Variants in ZNF91 observed in about 807,000 individuals in gnomAD.
ZNF91 encodes the protein zinc finger protein 91 (HPF7, HTF10).
ZNF91 carries 7 observed loss-of-function variants against 12.6 expected under a neutral mutation model. The ratio of observed to expected loss-of-function variants is 0.55; its 90% CI spans 0.31 to 1.04. The LOEUF is 1.04. Among genes scored for constraint, ZNF91 ranks in the 50% least tolerant of loss-of-function variants. ZNF91 has a pLI of 0.05. For synonymous variants in ZNF91, 453 were observed against 462.6 expected, an observed-to-expected ratio of 0.98 and a Z score of 0.27; for missense variants, 1,217 against 1,385.4, an observed-to-expected ratio of 0.88 and a Z score of 1.93.
At chr19:23,394,004 T>G (rs1970152017) in intron 1 of ZNF91, among the ~76,000 whole-genome samples, 1 of 151,926 alleles carries the variant, frequency 6.6e-6, no homozygotes, top group African/African-American at 2.4e-5. Flanking sequence ...TCTCAAAAAT[T>G]AAAAATAAAA....
At chr19:23,307,572 T>C (rs1429382117) in intron 2 of ZNF91, 3 of 152,250 alleles carry the variant, frequency 2.0e-5, no homozygotes, top group African/African-American at 4.8e-5. Flanking sequence ...GACAAATTGC[T>C]TGGTCCAGCA....
chr19:23,372,256 C>T (rs1969310427), intron 3 of ZNF91, among the ~76,000 whole-genome samples: 1 of 152,140 alleles, frequency 6.6e-6, no homozygotes, highest in Non-Finnish European at 1.5e-5. Context: ...TGCTTATCTC[C>T]TGACAGCAAG....
At chr19:23,314,656 C>T (rs1967523178), upstream of ZNF91, among the ~76,000 whole-genome samples, 1 of 152,126 alleles carries the variant, frequency 6.6e-6, no homozygotes, top group Admixed American at 6.5e-5. Context: ...TTTCTTCATC[C>T]TGAGGCTTAC....
intron 3 of ZNF91, among the ~76,000 whole-genome samples, chr19:23,365,334 C>T (rs1324327677): frequency 6.6e-6 from 1 of 151,102 alleles, no homozygotes; most frequent in Admixed American, 6.6e-5. Flanking sequence ...GTCCAGGCAC[C>T]GTGGGCTGAT....
At chr19:23,377,423 T>C (rs1482967845) in intron 1 of ZNF91, among the ~76,000 whole-genome samples, 4 of 152,244 alleles carry the variant, frequency 2.6e-5, no homozygotes. Flanking sequence ...TACCTAAGCA[T>C]TGCCACTCAA....
chr19:23,386,996 A>G (rs1481717369), intron 1 of ZNF91, among the ~76,000 whole-genome samples: 1 of 152,236 alleles, frequency 6.6e-6, no homozygotes, highest in African/African-American at 2.4e-5. Context: ...GACAAGAAAC[A>G]TGAAAAAGAT....
intron 1 of ZNF91, among the ~76,000 whole-genome samples, chr19:23,386,453 G>C (rs748686670): frequency 6.6e-6 from 1 of 152,136 alleles, no homozygotes; most frequent in Non-Finnish European, 1.5e-5. Flanking sequence ...AACTGGTACA[G>C]AAACAAACTC....
At chr19:23,316,628 A>T (rs1967566149) in intron 1 of ZNF91, among the ~76,000 whole-genome samples, 1 of 152,202 alleles carries the variant, frequency 6.6e-6, no homozygotes, top group South Asian at 2.1e-4. Context: ...CACAGGTAAG[A>T]CTGTGACATA....
At chr19:23,349,424 G>A (rs548127493) in intron 3 of ZNF91, among the ~76,000 whole-genome samples, 8 of 152,098 alleles carry the variant, frequency 5.3e-5, no homozygotes, top group South Asian at 4.2e-4. Context: ...TGAAATATTG[G>A]GGGCTGGTTC....
At chr19:23,352,746 C>T (rs7258490), downstream of ZNF91, among the ~76,000 whole-genome samples, 4,071 of 152,184 alleles carry the variant, frequency 0.027, 150 homozygotes, top group African/African-American at 0.087. Context: ...CCCAAATAAA[C>T]TTAAAGGGGT....
upstream of ZNF91, among the ~76,000 whole-genome samples, chr19:23,312,032 C>T (rs1967480263): frequency 6.6e-6 from 1 of 152,106 alleles, no homozygotes; most frequent in African/African-American, 2.4e-5. Flanking sequence ...TGAAGACACT[C>T]TGCTGCCTTA....
Position 23,358,827 on chromosome 19 carries a change from T to G in ZNF91, c.*576A>C, listed in dbSNP as rs1040703539. 1 of 166,546 alleles carries G rather than the reference T, an allele frequency of 6.0e-6. No individual in the cohort carries two copies. The highest frequency in any genetic ancestry group is 2.4e-5 in the African/African-American group (1 of 41,578). The allele number at this position is 166,546 out of a possible 1,614,324, so 10.3% of individuals were successfully genotyped here. Reference sequence around the variant, plus strand: ...GATTTTCTTGATGTTTAGAAAAGTTTGACTTGTCAAAAGCGTTGGCACATC... The same window carrying G: ...GATTTTCTTGATGTTTAGAAAAGTTGGACTTGTCAAAAGCGTTGGCACATC... On this transcript the variant is annotated 3_prime_UTR_variant, in exon 4 of 4. Transcript: ENST00000300619.
chr19:23,341,805 CATG>C (rs1455430183), intron 3 of ZNF91, among the ~76,000 whole-genome samples: 7 of 152,136 alleles, frequency 4.6e-5, no homozygotes, highest in African/African-American at 1.7e-4. Flanking sequence ...ACATTTCAGA[CATG>C]ATGGGAAAAG....
intron 3 of ZNF91, among the ~76,000 whole-genome samples, chr19:23,349,500 A>C (rs73926127): frequency 2.2e-3 from 335 of 152,040 alleles, no homozygotes; most frequent in African/African-American, 7.4e-3. Context: ...TTCAGGAATT[A>C]CCTCCCCTCC....
chr19:23,311,729 T>C (rs1967474519), upstream of ZNF91, among the ~76,000 whole-genome samples: 1 of 152,138 alleles, frequency 6.6e-6, no homozygotes, highest in Non-Finnish European at 1.5e-5. Flanking sequence ...GCAGGTGATA[T>C]AACTCTCTTT....
Position 23,319,034 on chromosome 19 carries a change from T to C in ZNF91, n.117-9937A>G, listed in dbSNP as rs192793452. Among the ~76,000 whole-genome samples, 617 of 152,314 alleles carry C rather than the reference T, an allele frequency of 4.1e-3. 9 individuals carry two copies. Among genetic ancestry groups the C allele is most frequent in the African/African-American group, 0.014 (593 of 41,564 alleles). ...GACTCTCTTCTTTCTTCCTAAGCCCTACCTACAGGGAGCATGGGTACATAG... is the reference window on the plus strand; with the variant it reads ...GACTCTCTTCTTTCTTCCTAAGCCCCACCTACAGGGAGCATGGGTACATAG... On this transcript the variant is annotated intron_variant and non_coding_transcript_variant, in intron 1 of 1. Transcript: ENST00000596528.
Position 23,362,275 on chromosome 19 carries a change from T to A in ZNF91, c.704A>T (p.Asp235Val). The A allele has an allele frequency of 6.2e-7, 1 of 1,614,116 alleles. No homozygotes were observed. Among genetic ancestry groups the A allele is most frequent in the Admixed American group, 1.7e-5 (1 of 60,030 alleles). ...ACATTCTTCACATTTGTAGGGTTTA[T>A]CTTCAGTATGAATTTCCTTATGATT... ...LTNHKEIHTE[D>V]KPYKCEECGK... The change falls in exon 4 of 4, where the codon GAT (aspartate) becomes GTT (valine). Residue 235 changes from aspartate (D) to valine (V), a missense_variant. Transcript: ENST00000300619.
At chr19:23,353,362 G>A (rs1478005704), downstream of ZNF91, among the ~76,000 whole-genome samples, 1 of 152,036 alleles carries the variant, frequency 6.6e-6, no homozygotes, top group East Asian at 1.9e-4. Context: ...AATGAGCACT[G>A]GGGCAAAAAC....
At chr19:23,327,625 A>T (rs1967861649) in intron 1 of ZNF91, 1 of 152,234 alleles carries the variant, frequency 6.6e-6, no homozygotes, top group Non-Finnish European at 1.5e-5. Flanking sequence ...AGATACATTT[A>T]GACATAAGAT....
Sources: gnomAD v4.1 joint callset for allele counts (sites outside exome capture counted in the v4.1 genomes callset) on GRCh38, gnomAD v4.1.1 for gene constraint, MANE v1.5 for transcripts, NCBI Gene and HGNC (gene_info 2026-07-23, HGNC 2026-07-21) for gene names.